GPC5: variants seen among roughly 807,000 people sequenced by gnomAD.
The protein encoded by GPC5 is glypican-5.
GPC5 carries 47 observed loss-of-function variants against 53.9 expected under a neutral mutation model. The ratio of observed to expected loss-of-function variants is 0.87; its 90% CI spans 0.69 to 1.11. GPC5 has a LOEUF of 1.11. Among genes scored for constraint, GPC5 ranks in the 50% most tolerant of loss-of-function variants. The pLI, the probability that GPC5 is intolerant of heterozygous loss-of-function variation, is 0.00. For synonymous variants in GPC5, 286 were observed against 263.3 expected (o/e 1.09, Z -0.84); for missense variants, 748 against 713.1 (o/e 1.05, Z -0.56).
At chr13:92,760,580 T>A (rs1875124496) in intron 7 of GPC5, among the ~76,000 whole-genome samples, 1 of 151,910 alleles carries the variant, frequency 6.6e-6, no homozygotes, top group East Asian at 1.9e-4. Context: ...TGGCTAAGAG[T>A]TTTTCAATTT....
At chr13:92,833,400 C>G (rs545224114) in intron 7 of GPC5, among the ~76,000 whole-genome samples, 1 of 152,114 alleles carries the variant, frequency 6.6e-6, no homozygotes, top group South Asian at 2.1e-4. Context: ...TGTTGTCATC[C>G]AAATACCTAG....
intron 7 of GPC5, among the ~76,000 whole-genome samples, chr13:92,265,205 T>C (rs1266795363): frequency 6.6e-6 from 1 of 152,094 alleles, no homozygotes; most frequent in Admixed American, 6.6e-5. Flanking sequence ...TAAAATTCTT[T>C]ATATGGCCAG....
chr13:91,850,760 T>C (rs1465522790), intron 5 of GPC5, among the ~76,000 whole-genome samples: 1 of 152,110 alleles, frequency 6.6e-6, no homozygotes, highest in East Asian at 1.9e-4. Flanking sequence ...TCTCTACATA[T>C]GTAGAAAAAA....
intron 6 of GPC5, among the ~76,000 whole-genome samples, chr13:92,077,520 A>G (rs1457085629): frequency 2.6e-5 from 4 of 152,280 alleles, no homozygotes; most frequent in East Asian, 1.9e-4. Context: ...TCATGGTAGC[A>G]TTTTCCCAGA....
chr13:92,750,903 A>T (rs1012339058), intron 7 of GPC5, among the ~76,000 whole-genome samples: 2 of 152,312 alleles, frequency 1.3e-5, no homozygotes, highest in Admixed American at 1.3e-4. Context: ...TGCTATATCC[A>T]TAACACTCCC....
At chr13:92,457,291 G>A (rs1474524818) in intron 7 of GPC5, among the ~76,000 whole-genome samples, 2 of 152,042 alleles carry the variant, frequency 1.3e-5, no homozygotes, top group Non-Finnish European at 2.9e-5. Context: ...ATGGTGAATA[G>A]TGCTGTGATG....
At chr13:92,082,039 A>G (rs1323117803) in intron 6 of GPC5, among the ~76,000 whole-genome samples, 1 of 152,222 alleles carries the variant, frequency 6.6e-6, no homozygotes, top group East Asian at 1.9e-4. Context: ...GAACCTTGGT[A>G]GTAATTATAG....
intron 7 of GPC5, among the ~76,000 whole-genome samples, chr13:92,243,534 G>A (rs1191677169): frequency 6.6e-6 from 1 of 152,048 alleles, no homozygotes; most frequent in Non-Finnish European, 1.5e-5. Flanking sequence ...CTTAAAGGTT[G>A]ATATTATAGG....
intron 7 of GPC5, among the ~76,000 whole-genome samples, chr13:92,748,936 T>C (rs754584300): frequency 6.6e-6 from 1 of 152,186 alleles, no homozygotes; most frequent in East Asian, 1.9e-4. Flanking sequence ...TCTAATGAAA[T>C]TGTGAATACC....
intron 6 of GPC5, among the ~76,000 whole-genome samples, chr13:92,056,051 C>T (rs2041071616): frequency 6.6e-6 from 1 of 151,960 alleles, no homozygotes; most frequent in African/African-American, 2.4e-5. Context: ...AGTTTGTTTC[C>T]TATTGCTCCC....
intron 5 of GPC5, among the ~76,000 whole-genome samples, chr13:91,773,318 A>G (rs1377730020): frequency 6.6e-6 from 1 of 152,184 alleles, no homozygotes; most frequent in Admixed American, 6.6e-5. Context: ...ACAAATATAC[A>G]TAATACAATA....
At chr13:92,125,923 G>GTTTTTTTTTTTTTTTTTTTTTTTTTTTT in intron 6 of GPC5, among the ~76,000 whole-genome samples, 1 of 41,536 alleles carries the variant, frequency 2.4e-5, no homozygotes, top group African/African-American at 7.3e-5. Flanking sequence ...TTTGTTTTTT[G>GTTTTTTTTTTTTTTTTTTTTTTTTTTTT]GTTTTTTTTT....
At chr13:92,626,423 T>A (rs1885047724) in intron 7 of GPC5, among the ~76,000 whole-genome samples, 1 of 152,072 alleles carries the variant, frequency 6.6e-6, no homozygotes, top group African/African-American at 2.4e-5. Context: ...AGGGCACTCA[T>A]GTGCTATGAG....
chr13:92,239,420 G>A (rs535251756), intron 7 of GPC5, among the ~76,000 whole-genome samples: 17 of 151,834 alleles, frequency 1.1e-4, no homozygotes, highest in African/African-American at 3.1e-4. Context: ...GTGAATACCC[G>A]CACAATTCTT....
intron 7 of GPC5, among the ~76,000 whole-genome samples, chr13:92,806,061 G>A (rs1877089224): frequency 6.6e-6 from 1 of 151,992 alleles, no homozygotes; most frequent in African/African-American, 2.4e-5. Flanking sequence ...TCCAGTAGAA[G>A]GCTGTTTTGT....
At chr13:91,876,616 G>A (rs1266535617) in intron 5 of GPC5, among the ~76,000 whole-genome samples, 1 of 152,200 alleles carries the variant, frequency 6.6e-6, no homozygotes, top group Non-Finnish European at 1.5e-5. Flanking sequence ...TTCAAGATGT[G>A]ACTCGGATGC....
chr13:92,316,193 G>A (rs1168362338), intron 7 of GPC5, among the ~76,000 whole-genome samples: 1 of 151,894 alleles, frequency 6.6e-6, no homozygotes, highest in Non-Finnish European at 1.5e-5. Flanking sequence ...ATAAAAATCA[G>A]AATAGTAATT....
intron 7 of GPC5, among the ~76,000 whole-genome samples, chr13:92,327,553 G>C (rs2043260742): frequency 6.6e-6 from 1 of 152,096 alleles, no homozygotes; most frequent in African/African-American, 2.4e-5. Context: ...TGCTGGAGCA[G>C]GCAGAATAGC....
chr13:92,002,703 C>T (rs1475526040), intron 6 of GPC5, among the ~76,000 whole-genome samples: 1 of 152,096 alleles, frequency 6.6e-6, no homozygotes, highest in Non-Finnish European at 1.5e-5. Flanking sequence ...AGGAATGGAA[C>T]ATATAAAGTG....
Sources: allele counts gnomAD v4.1 joint callset (sites outside exome capture counted in the v4.1 genomes callset), GRCh38; gene constraint gnomAD v4.1.1; transcripts MANE v1.5; gene names NCBI Gene and HGNC (gene_info 2026-07-23, HGNC 2026-07-21).